EML6: variants seen among roughly 807,000 people sequenced by gnomAD.
EML6 encodes EMAP like 6.
Under a neutral mutation model 240.1 loss-of-function variants are expected in EML6, and 154 were observed. That is an observed-to-expected ratio of 0.64 (90% CI 0.56 to 0.73). The LOEUF (loss-of-function observed/expected upper bound fraction) is 0.73, where lower values mean the gene tolerates loss of function less well. Among genes scored for constraint, EML6 ranks in the 30% least tolerant of loss-of-function variants. The pLI, the probability that EML6 is intolerant of heterozygous loss-of-function variation, is 0.00. For missense variants in EML6, 2,964 were observed against 2,474.6 expected (o/e 1.20, Z -4.20); for synonymous variants, 1,148 against 899.0 (o/e 1.28, Z -4.95).
rs997018142 is a variant in EML6 at position 54,827,531 on chromosome 2, T to C, written c.526-35T>C. 24 of 1,508,512 alleles carry C rather than the reference T, an allele frequency of 1.6e-5. No homozygotes were observed. In the African/African-American group the frequency reaches 3.2e-4, roughly 20 times the overall value. 93.4% of individuals were successfully genotyped at this position (1,508,512 alleles called of 1,614,324 possible). A position where few individuals can be genotyped will look rare whatever the true frequency, so the allele number is the denominator to read the frequency against. ...ACCAATGCAATACATCCGAATACTCTATCTTGGAGATCTATTTTATCACTT... is the reference window on the plus strand; with the variant it reads ...ACCAATGCAATACATCCGAATACTCCATCTTGGAGATCTATTTTATCACTT... On this transcript the variant is annotated intron_variant, in intron 5 of 41. Coordinates refer to ENST00000356458, the MANE Select transcript of EML6 (RefSeq NM_001039753.4).
intron 2 of EML6, among the ~76,000 whole-genome samples, chr2:54,769,371 C>T (rs1400941596): frequency 1.3e-5 from 2 of 152,138 alleles, no homozygotes; most frequent in Non-Finnish European, 2.9e-5. Context: ...ATACCATGCA[C>T]CTGATCTATG....
At chr2:54,760,388 T>G (rs1667924302) in intron 2 of EML6, among the ~76,000 whole-genome samples, 1 of 152,140 alleles carries the variant, frequency 6.6e-6, no homozygotes, top group Non-Finnish European at 1.5e-5. Flanking sequence ...CTTGATTTCT[T>G]TACATAAATT....
chr2:54,808,798 G>C (rs1558567438), intron 2 of EML6, among the ~76,000 whole-genome samples: 2 of 152,018 alleles, frequency 1.3e-5, no homozygotes, highest in Admixed American at 1.3e-4. Context: ...AAGATGTTTG[G>C]AAATCTTCGT....
At chr2:54,873,373 T>C (rs1299251921) in intron 16 of EML6, among the ~76,000 whole-genome samples, 1 of 152,180 alleles carries the variant, frequency 6.6e-6, no homozygotes, top group Admixed American at 6.5e-5. Context: ...AAGGCATAAG[T>C]GTCAAGGGAG....
intron 2 of EML6, among the ~76,000 whole-genome samples, chr2:54,748,096 G>T (rs960371877): frequency 6.6e-6 from 1 of 152,080 alleles, no homozygotes; most frequent in African/African-American, 2.4e-5. Context: ...GGGTAAAATT[G>T]TTTATTAATT....
chr2:54,776,746 G>A (rs769558625), intron 2 of EML6, among the ~76,000 whole-genome samples: 9 of 150,026 alleles, frequency 6.0e-5, no homozygotes, highest in East Asian at 2.0e-4. Flanking sequence ...CCACCCCCAC[G>A]TCCTGTTTCT....
chr2:54,871,296 G>A (rs922085921), intron 15 of EML6, among the ~76,000 whole-genome samples: 1 of 152,204 alleles, frequency 6.6e-6, no homozygotes. Flanking sequence ...AACTCTACCT[G>A]ATTGCCAGGA....
chr2:54,894,478 A>G (rs1373890370), intron 19 of EML6, among the ~76,000 whole-genome samples: 1 of 152,214 alleles, frequency 6.6e-6, no homozygotes, highest in Non-Finnish European at 1.5e-5. Context: ...TCTTCTGGAC[A>G]TGACTTTTAT....
intron 17 of EML6, among the ~76,000 whole-genome samples, chr2:54,887,938 G>C (rs955914504): frequency 2.6e-5 from 4 of 152,138 alleles, no homozygotes; most frequent in Non-Finnish European, 5.9e-5. Flanking sequence ...GAAGTCCGCA[G>C]TTTATATTAG....
intron 5 of EML6, among the ~76,000 whole-genome samples, chr2:54,827,236 A>T (rs1162888277): frequency 1.3e-5 from 2 of 152,236 alleles, no homozygotes; most frequent in Non-Finnish European, 2.9e-5. Context: ...TAACTTGATA[A>T]AAAACTAAGC....
intron 31 of EML6, 54 bp from the exon 32 acceptor site, chr2:54,953,929 C>T (rs1020754805): frequency 7.1e-7 from 1 of 1,404,670 alleles, no homozygotes; most frequent in Non-Finnish European, 9.7e-7. Context: ...TAAGCATCGC[C>T]TTGGCTCTGC....
Position 54,894,942 on chromosome 2 carries a change from A to C in EML6, c.2770A>C (p.Ile924Leu), listed in dbSNP as rs1244131463. 3 of 1,551,234 alleles carry C rather than the reference A, an allele frequency of 1.9e-6. No homozygotes were observed. In the East Asian group the frequency reaches 7.3e-5, roughly 38 times the overall value. Reference sequence around the variant, plus strand: ...CTTTGTAACAGGTGGAAAGGACGGCATCGTGGAGCTCTGGGATGATATGTT... The same window carrying C: ...CTTTGTAACAGGTGGAAAGGACGGCCTCGTGGAGCTCTGGGATGATATGTT... ...KGFVTGGKDG[I>L]VELWDDMFER... The change falls in exon 20 of 42, where the codon ATC becomes CTC. Residue 924 changes from isoleucine to leucine, a missense_variant. By Grantham distance (5) the Ile-to-Leu change is conservative. Transcript: ENST00000356458.
intron 26 of EML6, among the ~76,000 whole-genome samples, chr2:54,919,508 G>T (rs908583044): frequency 2.0e-5 from 3 of 152,126 alleles, no homozygotes; most frequent in African/African-American, 7.2e-5. Context: ...TTTCTGTCCA[G>T]TGTTACGTTC....
At chr2:54,768,271 G>C (rs539257739) in intron 2 of EML6, among the ~76,000 whole-genome samples, 1 of 151,964 alleles carries the variant, frequency 6.6e-6, no homozygotes, top group South Asian at 2.1e-4. Flanking sequence ...TTACTTTTTA[G>C]TTAAAAGGAT....
At chr2:54,934,576 G>T (rs1456518651) in intron 28 of EML6, among the ~76,000 whole-genome samples, 1 of 152,022 alleles carries the variant, frequency 6.6e-6, no homozygotes, top group Non-Finnish European at 1.5e-5. Context: ...TTGAGACTGG[G>T]TCTGGCTCTG....
chr2:54,825,195 T>A (rs573572234), intron 5 of EML6, among the ~76,000 whole-genome samples: 7 of 152,318 alleles, frequency 4.6e-5, no homozygotes, highest in African/African-American at 1.7e-4. Context: ...ATTATTTTAA[T>A]CTTCATGCAT....
intron 2 of EML6, among the ~76,000 whole-genome samples, chr2:54,782,889 G>A (rs1179591724): frequency 6.6e-6 from 1 of 152,138 alleles, no homozygotes; most frequent in Non-Finnish European, 1.5e-5. Context: ...CGTCTCATTC[G>A]TAAAGAGAAG....
chr2:54,895,972 TTGCCATA>T (rs1282076182), intron 21 of EML6, among the ~76,000 whole-genome samples: 1 of 152,242 alleles, frequency 6.6e-6, no homozygotes, highest in African/African-American at 2.4e-5. Flanking sequence ...TCCATTGCCT[TTGCCATA>T]TGCTGTTGGT....
At chr2:54,866,734 A>G (rs1034672979) in intron 13 of EML6, 32 bp from the exon 14 acceptor site, 2 of 1,337,410 alleles carry the variant, frequency 1.5e-6, no homozygotes, top group African/African-American at 1.5e-5. Flanking sequence ...GATGAAAGGC[A>G]TCTCACCCAG....
Sources: gnomAD v4.1 joint callset for allele counts (sites outside exome capture counted in the v4.1 genomes callset) on GRCh38, gnomAD v4.1.1 for gene constraint, MANE v1.5 for transcripts, NCBI Gene and HGNC (gene_info 2026-07-23, HGNC 2026-07-21) for gene names.